PLXNA4: variants seen among roughly 807,000 people sequenced by gnomAD.
PLXNA4 encodes plexin A4.
Under a neutral mutation model 191.8 loss-of-function variants are expected in PLXNA4, and 44 were observed. The observed-to-expected ratio is 0.23, with a 90% CI of 0.18 to 0.29. The LOEUF (loss-of-function observed/expected upper bound fraction) is 0.29, where lower values mean the gene tolerates loss of function less well. Ranked by LOEUF, PLXNA4 falls within the 10% of genes least tolerant of loss-of-function variation. The pLI, the probability that PLXNA4 is intolerant of heterozygous loss-of-function variation, is 1.00. For synonymous variants in PLXNA4, 1,082 were observed against 1,009.5 expected (o/e 1.07, Z -1.36); for missense variants, 1,800 against 2,488.8 (o/e 0.72, Z 5.89).
chr7:132,488,386 G>A (rs1013549855), intron 3 of PLXNA4, among the ~76,000 whole-genome samples: 1 of 152,204 alleles, frequency 6.6e-6, no homozygotes, highest in Non-Finnish European at 1.5e-5. Context: ...TTAAGGCTTA[G>A]TCTCAATCTT....
chr7:132,133,391 G>A (rs1439748957), intron 30 of PLXNA4, among the ~76,000 whole-genome samples, 192 bp from the exon 31 acceptor site: 1 of 152,166 alleles, frequency 6.6e-6, no homozygotes, highest in African/African-American at 2.4e-5. Context: ...ACCAGGAAGA[G>A]CCCTCTGCAG....
At chr7:132,628,531 TG>T (rs1328253591) in intron 2 of PLXNA4, among the ~76,000 whole-genome samples, 1 of 152,072 alleles carries the variant, frequency 6.6e-6, no homozygotes, top group Non-Finnish European at 1.5e-5. Context: ...TCTTTTTGTT[TG>T]TGGGTTTGTT....
chr7:132,255,141 TAA>T (rs1442514731), intron 4 of PLXNA4, among the ~76,000 whole-genome samples: 1 of 152,148 alleles, frequency 6.6e-6, no homozygotes, highest in African/African-American at 2.4e-5. Flanking sequence ...GAGAAGGATC[TAA>T]AAGTGTAGCA....
At chr7:132,503,051 G>A (rs921340732) in intron 2 of PLXNA4, among the ~76,000 whole-genome samples, 2 of 152,126 alleles carry the variant, frequency 1.3e-5, no homozygotes, top group Non-Finnish European at 1.5e-5. Flanking sequence ...TCTCCACACC[G>A]CCTAATCAGT....
chr7:132,179,838 G>A lies in PLXNA4; in HGVS notation c.3723C>T (p.Ser1241=). The A allele has an allele frequency of 6.2e-7, 1 of 1,613,542 alleles. No individual in the cohort carries two copies. The change falls in exon 20 of 32, where the codon AGC becomes AGT. Residue 1241 remains serine, a synonymous_variant. Transcript: ENST00000321063. ...TGAGGAGGCCGCCAGCCACTGCGAT[G>A]CTGACGATGGCGGGCAGGCTGAGCG... ...DSPLSLPAIV[S]IAVAGGLLII...
chr7:132,233,336 G>T lies in PLXNA4; in HGVS notation c.1605-4867C>A, dbSNP rs73723757. 8.4e-3 allele frequency among the ~76,000 whole-genome samples: 1,282 copies of T among 152,260 alleles called. 23 individuals carry two copies. Among genetic ancestry groups the T allele is most frequent in the African/African-American group, 0.029 (1,208 of 41,530 alleles). On this transcript the variant is annotated intron_variant, in intron 5 of 31. Transcript: ENST00000321063. ...TGGAGGAAGTGGAGTAGCTAGTATAGGATCCTTCCTAGGCAGGTGGGTGTG... is the reference window on the plus strand; with the variant it reads ...TGGAGGAAGTGGAGTAGCTAGTATATGATCCTTCCTAGGCAGGTGGGTGTG...
chr7:132,294,523 A>G (rs997968948), intron 4 of PLXNA4, among the ~76,000 whole-genome samples: 1 of 152,176 alleles, frequency 6.6e-6, no homozygotes, highest in Non-Finnish European at 1.5e-5. Context: ...CTGCATGGAG[A>G]AAAGACTGGA....
intron 1 of PLXNA4, among the ~76,000 whole-genome samples, chr7:132,518,364 G>A (rs1419314707): frequency 6.6e-6 from 1 of 152,196 alleles, no homozygotes; most frequent in African/African-American, 2.4e-5. Context: ...CAGTCTCAGT[G>A]TGGGTGGGGC....
intron 3 of PLXNA4, among the ~76,000 whole-genome samples, chr7:132,480,991 G>A (rs1313853768): frequency 6.6e-6 from 1 of 152,142 alleles, no homozygotes; most frequent in Non-Finnish European, 1.5e-5. Context: ...TCCTCAGCAT[G>A]TCAGGTCCAC....
At chr7:132,181,698 C>G in intron 17 of PLXNA4, 78 bp from the exon 18 acceptor site, 2 of 1,563,398 alleles carry the variant, frequency 1.3e-6, no homozygotes, top group Non-Finnish European at 1.7e-6. Context: ...GTGGGCCTCC[C>G]TGGATGTCAT....
intron 4 of PLXNA4, among the ~76,000 whole-genome samples, chr7:132,268,471 T>C (rs998593791): frequency 6.6e-6 from 1 of 152,214 alleles, no homozygotes; most frequent in African/African-American, 2.4e-5. Context: ...ACCATGAGTT[T>C]GAAATTTTGT....
At chr7:132,264,512 A>C (rs1239548168) in intron 4 of PLXNA4, among the ~76,000 whole-genome samples, 2 of 152,092 alleles carry the variant, frequency 1.3e-5, no homozygotes, top group African/African-American at 2.4e-5. Flanking sequence ...GACACTTAAA[A>C]GTAGGCAGTG....
At chr7:132,295,643 C>A (rs1422689909) in intron 4 of PLXNA4, among the ~76,000 whole-genome samples, 1 of 152,162 alleles carries the variant, frequency 6.6e-6, no homozygotes, top group Non-Finnish European at 1.5e-5. Context: ...GTTCCTGATG[C>A]GCTCTCCCCC....
intron 27 of PLXNA4, 55 bp from the exon 28 acceptor site, chr7:132,146,755 A>G (rs528892343): frequency 2.5e-6 from 4 of 1,591,548 alleles, no homozygotes; most frequent in East Asian, 4.5e-5. Flanking sequence ...GCCTTAGCCC[A>G]TCACTTACCA....
At chr7:132,209,109 G>T (rs1797717991) in intron 10 of PLXNA4, among the ~76,000 whole-genome samples, 1 of 152,250 alleles carries the variant, frequency 6.6e-6, no homozygotes, top group Non-Finnish European at 1.5e-5. Flanking sequence ...TGACCAAGAG[G>T]TTTAGAAGAC....
intron 3 of PLXNA4, among the ~76,000 whole-genome samples, chr7:132,411,851 G>A (rs1794471234): frequency 1.3e-5 from 2 of 152,160 alleles, no homozygotes; most frequent in Non-Finnish European, 2.9e-5. Context: ...GGAATGTGAA[G>A]GATCCCAAAT....
chr7:132,356,631 C>T (rs1803718174), intron 3 of PLXNA4, among the ~76,000 whole-genome samples: 1 of 152,222 alleles, frequency 6.6e-6, no homozygotes, highest in South Asian at 2.1e-4. Flanking sequence ...AAGGCTACGG[C>T]AGGAGTATTA....
chr7:132,325,727 G>A (rs372001928), intron 3 of PLXNA4, among the ~76,000 whole-genome samples: 1 of 152,142 alleles, frequency 6.6e-6, no homozygotes. Context: ...TAGCCTCCAG[G>A]ACTGTGAGAG....
intron 3 of PLXNA4, among the ~76,000 whole-genome samples, chr7:132,412,867 G>A (rs1794515034): frequency 6.6e-6 from 1 of 152,140 alleles, no homozygotes; most frequent in Non-Finnish European, 1.5e-5. Context: ...CCTCCATGCA[G>A]GACACGCTGG....
Sources: gnomAD v4.1 joint callset for allele counts (sites outside exome capture counted in the v4.1 genomes callset) on GRCh38, gnomAD v4.1.1 for gene constraint, MANE v1.5 for transcripts, NCBI Gene and HGNC (gene_info 2026-07-23, HGNC 2026-07-21) for gene names.